Variants in TACR1 observed in about 807,000 individuals in gnomAD.
TACR1 encodes substance-P receptor.
TACR1 carries 25 observed loss-of-function variants against 35.8 expected under a neutral mutation model. The observed-to-expected ratio is 0.70, with a 90% CI of 0.51 to 0.98. The LOEUF (loss-of-function observed/expected upper bound fraction) is 0.98, where lower values mean the gene tolerates loss of function less well. TACR1 is among the 50% of genes least tolerant of loss of function. TACR1 has a pLI of 0.00. For synonymous variants in TACR1, 195 were observed against 206.7 expected, an observed-to-expected ratio of 0.94 and a Z score of 0.48; for missense variants, 478 against 522.9, an observed-to-expected ratio of 0.91 and a Z score of 0.84.
intron 1 of TACR1, among the ~76,000 whole-genome samples, chr2:75,122,714 A>G (rs754052981): frequency 6.6e-6 from 1 of 152,218 alleles, no homozygotes; most frequent in Non-Finnish European, 1.5e-5. Flanking sequence ...TTGATACTAT[A>G]AAGCCTATCA....
At chr2:75,078,983 A>G (rs1307270430) in intron 2 of TACR1, among the ~76,000 whole-genome samples, 1 of 152,046 alleles carries the variant, frequency 6.6e-6, no homozygotes, top group African/African-American at 2.4e-5. Flanking sequence ...GTAAACATAC[A>G]CTCTGGCAAA....
chr2:75,185,249 AAAC>A (rs1176716509), intron 1 of TACR1, among the ~76,000 whole-genome samples: 15 of 152,082 alleles, frequency 9.9e-5, no homozygotes, highest in Non-Finnish European at 1.8e-4. Flanking sequence ...GTGGAATATT[AAAC>A]AACAACTAAA....
chr2:75,164,738 G>T (rs745654970), intron 1 of TACR1, among the ~76,000 whole-genome samples: 2 of 152,164 alleles, frequency 1.3e-5, no homozygotes, highest in African/African-American at 4.8e-5. Flanking sequence ...CACTGGCTCC[G>T]AGTGCTCCTG....
At chr2:75,146,021 A>C (rs573778517) in intron 1 of TACR1, among the ~76,000 whole-genome samples, 1 of 152,334 alleles carries the variant, frequency 6.6e-6, no homozygotes, top group African/African-American at 2.4e-5. Context: ...AGAGAATATT[A>C]ACATTCACAA....
chr2:75,177,225 C>T (rs1444993978), intron 1 of TACR1, among the ~76,000 whole-genome samples: 1 of 152,036 alleles, frequency 6.6e-6, no homozygotes, highest in East Asian at 1.9e-4. Context: ...CATTTCTTGA[C>T]TCATTTATTG....
intron 1 of TACR1, among the ~76,000 whole-genome samples, chr2:75,133,189 C>A (rs1674211536): frequency 6.6e-6 from 1 of 152,154 alleles, no homozygotes; most frequent in South Asian, 2.1e-4. Context: ...TTGACTTGAG[C>A]ATTTTTTACT....
chr2:75,064,794 T>C (rs966839397), intron 2 of TACR1, among the ~76,000 whole-genome samples: 1 of 152,226 alleles, frequency 6.6e-6, no homozygotes, highest in Admixed American at 6.5e-5. Flanking sequence ...AAAAATTCCA[T>C]GGTAGTGGGG....
chr2:75,100,734 A>G (rs1673520041), intron 2 of TACR1, among the ~76,000 whole-genome samples: 1 of 152,230 alleles, frequency 6.6e-6, no homozygotes, highest in Non-Finnish European at 1.5e-5. Context: ...TGCTAAGTGA[A>G]TGAATAAAAT....
At chr2:75,106,743 AC>A (rs1164665532) in intron 2 of TACR1, among the ~76,000 whole-genome samples, 1 of 152,006 alleles carries the variant, frequency 6.6e-6, no homozygotes, top group African/African-American at 2.4e-5. Context: ...TTTTAAAAAA[AC>A]TTTAGGATAA....
At chr2:75,158,122 A>G (rs1471985982) in intron 1 of TACR1, among the ~76,000 whole-genome samples, 1 of 152,240 alleles carries the variant, frequency 6.6e-6, no homozygotes, top group African/African-American at 2.4e-5. Flanking sequence ...ACAAGACTCC[A>G]ACTATGACCC....
chr2:75,125,474 C>G (rs999954491), intron 1 of TACR1, among the ~76,000 whole-genome samples: 1 of 152,132 alleles, frequency 6.6e-6, no homozygotes, highest in South Asian at 2.1e-4. Context: ...CATGAGCCAC[C>G]GCGCCGGGCC....
chr2:75,179,862 T>C (rs1334870486), intron 1 of TACR1, among the ~76,000 whole-genome samples: 1 of 152,198 alleles, frequency 6.6e-6, no homozygotes, highest in African/African-American at 2.4e-5. Flanking sequence ...GACTGAGTGA[T>C]GAATAAACTG....
chr2:75,079,756 T>G (rs1673046643), intron 2 of TACR1, among the ~76,000 whole-genome samples: 5 of 150,878 alleles, frequency 3.3e-5, no homozygotes, highest in Admixed American at 3.3e-4. Flanking sequence ...TTTTTTTTTT[T>G]TGGTCTCACT....
intron 1 of TACR1, among the ~76,000 whole-genome samples, chr2:75,170,363 C>T (rs1404507843): frequency 6.6e-6 from 1 of 152,204 alleles, no homozygotes; most frequent in African/African-American, 2.4e-5. Flanking sequence ...TGAGGCCTCC[C>T]TAGCCATGTG....
At chr2:75,139,965 G>A (rs1480479602) in intron 1 of TACR1, among the ~76,000 whole-genome samples, 3 of 152,126 alleles carry the variant, frequency 2.0e-5, no homozygotes, top group Admixed American at 6.5e-5. Flanking sequence ...GGTTGTTAAC[G>A]GAGAGAGGAG....
intron 1 of TACR1, chr2:75,187,150 T>A (rs960215125): frequency 4.6e-5 from 7 of 152,290 alleles, no homozygotes; most frequent in African/African-American, 1.7e-4. Flanking sequence ...CCCACTGGAC[T>A]GGCTGAGAAT....
chr2:75,135,522 A>G (rs10460574), intron 1 of TACR1, among the ~76,000 whole-genome samples: 9,710 of 152,214 alleles, frequency 0.064, 408 homozygotes, highest in East Asian at 0.14. Flanking sequence ...CGCCCGTGCT[A>G]TCCGTGCTAC....
chr2:75,123,913 A>T (rs1674021045), intron 1 of TACR1, among the ~76,000 whole-genome samples: 2 of 152,206 alleles, frequency 1.3e-5, no homozygotes, highest in Admixed American at 1.3e-4. Context: ...AGCCTGAGCA[A>T]TTCTTGCTTA....
intron 1 of TACR1, among the ~76,000 whole-genome samples, chr2:75,179,403 A>T (rs750516401): frequency 1.2e-4 from 19 of 152,088 alleles, no homozygotes; most frequent in Non-Finnish European, 2.8e-4. Flanking sequence ...TCCTGCTTCC[A>T]CTTTTGGCCC....
Sources: allele counts gnomAD v4.1 joint callset (sites outside exome capture counted in the v4.1 genomes callset), GRCh38; gene constraint gnomAD v4.1.1; transcripts MANE v1.5; gene names NCBI Gene and HGNC (gene_info 2026-07-23, HGNC 2026-07-21).